CTDP1: variants seen among roughly 807,000 people sequenced by gnomAD.
CTDP1 encodes CTD phosphatase 1, also known as RNA polymerase II subunit A C-terminal domain phosphatase.
A neutral mutation model predicts 91.8 loss-of-function variants in CTDP1; 47 were observed. The ratio of observed to expected loss-of-function variants is 0.51; its 90% CI spans 0.41 to 0.65. CTDP1 has a LOEUF of 0.65. Among genes scored for constraint, CTDP1 ranks in the 30% least tolerant of loss-of-function variants. CTDP1 has a pLI of 0.00. For missense variants in CTDP1, 1,272 were observed against 1,373.7 expected (o/e 0.93, Z 1.17); for synonymous variants, 656 against 598.5 (o/e 1.10, Z -1.40).
chr18:79,717,066 C>T (rs1490827766), intron 8 of CTDP1, among the ~76,000 whole-genome samples: 3 of 147,432 alleles, frequency 2.0e-5, no homozygotes, highest in Middle Eastern at 3.8e-3. Context: ...TGGGTACAGC[C>T]GGGTGAGGGC....
chr18:79,699,544 T>A (rs937958631), intron 4 of CTDP1, among the ~76,000 whole-genome samples: 7 of 152,038 alleles, frequency 4.6e-5, no homozygotes, highest in African/African-American at 1.7e-4. Flanking sequence ...ATTACAGGCA[T>A]GAGCCACCGC....
intron 1 of CTDP1, among the ~76,000 whole-genome samples, chr18:79,683,366 C>T (rs141107856): frequency 1.3e-4 from 20 of 152,342 alleles, no homozygotes; most frequent in African/African-American, 4.3e-4. Flanking sequence ...GCAAATAACA[C>T]GCACTTGTAT....
intron 5 of CTDP1, among the ~76,000 whole-genome samples, chr18:79,708,948 G>A (rs485400): frequency 0.76 from 115,852 of 152,254 alleles, 44,345 homozygotes; most frequent in Middle Eastern, 0.79. Flanking sequence ...TTAAATGATC[G>A]AATACCCTTA....
Position 79,714,619 on chromosome 18 carries a change from A to G in CTDP1, c.1159A>G (p.Ser387Gly), listed in dbSNP as rs760706817. 1 of 1,612,744 alleles carries G rather than the reference A, an allele frequency of 6.2e-7. No individual in the cohort carries two copies. Among genetic ancestry groups the G allele is most frequent in the East Asian group, 2.2e-5 (1 of 44,870 alleles). ...LEKPARELNG[S>G]EAATPRDSPR... ...GAAGCCTGCACGGGAGCTGAACGGC[A>G]GCGAGGCCGCCACCCCGCGGGACTC... is the stretch of plus-strand genomic sequence containing the variant. Residue 387 changes from serine to glycine, a missense_variant, in exon 8 of 13, where the codon AGC (serine) becomes GGC (glycine). Physicochemically the swap from Ser to Gly is moderately conservative, Grantham distance 56. This residue lies in a region of CTDP1 where 881 missense variants were observed against 911.6 expected (regional missense o/e 0.97). Transcript: ENST00000613122.
intron 11 of CTDP1, among the ~76,000 whole-genome samples, chr18:79,732,628 G>C (rs1004485076): frequency 6.6e-6 from 1 of 151,370 alleles, no homozygotes; most frequent in Non-Finnish European, 1.5e-5. Flanking sequence ...CATCAGGAGT[G>C]CTCCCAAAAT....
intron 7 of CTDP1, among the ~76,000 whole-genome samples, chr18:79,714,059 G>A (rs1038877104): frequency 4.0e-5 from 6 of 151,888 alleles, no homozygotes; most frequent in South Asian, 4.2e-4. Flanking sequence ...TTACGGCCAC[G>A]GTGGCGCCAG....
At chr18:79,704,507 C>T (rs915903755) in intron 4 of CTDP1, among the ~76,000 whole-genome samples, 5 of 152,134 alleles carry the variant, frequency 3.3e-5, no homozygotes, top group African/African-American at 1.2e-4. Flanking sequence ...CATGTGTCCT[C>T]TGTCCCGTGT....
chr18:79,714,031 C>T (rs1480377592), intron 7 of CTDP1, among the ~76,000 whole-genome samples: 1 of 142,880 alleles, frequency 7.0e-6, no homozygotes, highest in Non-Finnish European at 1.5e-5. Flanking sequence ...GCCACGGTGG[C>T]GCCAGGTCGT....
chr18:79,710,285 T>C, intron 5 of CTDP1, 61 bp from the exon 6 acceptor site: 2 of 1,288,754 alleles, frequency 1.6e-6, no homozygotes, highest in South Asian at 1.2e-5. Context: ...GGCTTCACCA[T>C]GTGCCGTGTG....
intron 10 of CTDP1, among the ~76,000 whole-genome samples, chr18:79,727,487 G>A (rs2086475008): frequency 6.6e-6 from 1 of 152,114 alleles, no homozygotes; most frequent in African/African-American, 2.4e-5. Context: ...TTCGCGGGGT[G>A]GGAAGCGTGG....
intron 4 of CTDP1, 119 bp from the exon 5 acceptor site, chr18:79,704,648 A>G (rs2085929198): frequency 1.4e-6 from 2 of 1,384,010 alleles, no homozygotes; most frequent in Non-Finnish European, 2.0e-6. Flanking sequence ...GCGTGTCTTC[A>G]GAACGCTTGT....
At chr18:79,739,390 C>T (rs1245384117) in intron 12 of CTDP1, among the ~76,000 whole-genome samples, 1 of 151,904 alleles carries the variant, frequency 6.6e-6, no homozygotes, top group Non-Finnish European at 1.5e-5. Context: ...GAGTTAGCAC[C>T]CCTGGGTTTT....
downstream of CTDP1, chr18:79,754,654 G>C (rs1279359221): frequency 6.6e-6 from 1 of 152,290 alleles, no homozygotes; most frequent in African/African-American, 2.4e-5. Flanking sequence ...CTGCGAGCGT[G>C]ATGATCTCAG....
chr18:79,707,597 C>T (rs1421509312), intron 5 of CTDP1, among the ~76,000 whole-genome samples: 9 of 152,226 alleles, frequency 5.9e-5, no homozygotes, highest in African/African-American at 9.7e-5. Flanking sequence ...CAAAACCAGA[C>T]GAAGACATCA....
intron 11 of CTDP1, chr18:79,736,122 T>C (rs1599299931): frequency 1.7e-6 from 1 of 595,204 alleles, no homozygotes; most frequent in African/African-American, 1.9e-5. Flanking sequence ...TTAAACCCAA[T>C]CTTTGCCTGC....
rs17855830 is a variant in CTDP1 at position 79,680,128 on chromosome 18, T to A, written c.181T>A (p.Ser61Thr). Residue 61 changes from serine (S) to threonine (T), a missense_variant, in exon 1 of 13, where the codon TCC becomes ACC. Around this residue, in one of 3 missense-constraint regions of CTDP1, gnomAD observed 214 missense variants for 179.1 expected, o/e 1.19. Transcript: ENST00000613122. ...VFEAAASAQS[S>T]GASQSRVASG... ...CGAGGCCGCCGCCTCCGCGCAGTCC[T>A]CCGGGGCCTCTCAGTCCCGTGTAGC... is the stretch of plus-strand genomic sequence containing the variant. 2.1e-6 allele frequency: 3 copies of A among 1,425,160 alleles called. No individual in the cohort carries two copies. The highest frequency in any genetic ancestry group is 2.7e-6 in the Non-Finnish European group (3 of 1,090,926). 88.3% of individuals were successfully genotyped at this position (1,425,160 alleles called of 1,614,324 possible).
chr18:79,750,771 C>T (rs903744644), intron 12 of CTDP1, among the ~76,000 whole-genome samples: 12 of 151,304 alleles, frequency 7.9e-5, no homozygotes, highest in Non-Finnish European at 1.6e-4. Context: ...GACTTGGCCT[C>T]CCAAAGTGCT....
chr18:79,705,641 G>A (rs974969895), intron 5 of CTDP1, among the ~76,000 whole-genome samples: 3 of 152,092 alleles, frequency 2.0e-5, no homozygotes, highest in Non-Finnish European at 4.4e-5. Context: ...GCCACGGGAC[G>A]GCGACCGTCT....
chr18:79,730,367 C>T (rs1443643200), intron 11 of CTDP1, among the ~76,000 whole-genome samples: 4 of 152,210 alleles, frequency 2.6e-5, no homozygotes, highest in African/African-American at 9.7e-5. Context: ...GCTGCTGACA[C>T]GTCCCGTCTC....
Sources: allele counts gnomAD v4.1 joint callset (sites outside exome capture counted in the v4.1 genomes callset), GRCh38; gene constraint gnomAD v4.1.1; regional missense constraint gnomAD v4.1.1; transcripts MANE v1.5; gene names NCBI Gene and HGNC (gene_info 2026-07-23, HGNC 2026-07-21).